PIK3R4: variants seen among roughly 807,000 people sequenced by gnomAD.
The protein encoded by PIK3R4 is phosphoinositide 3-kinase regulatory subunit 4.
Under a neutral mutation model 136.5 loss-of-function variants are expected in PIK3R4, and 46 were observed. The observed-to-expected ratio is 0.34, with a 90% CI of 0.27 to 0.43. PIK3R4 has a LOEUF of 0.43. PIK3R4 is among the 20% of genes least tolerant of loss of function. The pLI, the probability that PIK3R4 is intolerant of heterozygous loss-of-function variation, is 1.00. For synonymous variants in PIK3R4, 557 were observed against 566.7 expected, an observed-to-expected ratio of 0.98 and a Z score of 0.24; for missense variants, 1,331 against 1,649.5, an observed-to-expected ratio of 0.81 and a Z score of 3.35.
Position 130,733,914 on chromosome 3 carries a change from G to A in PIK3R4, c.1084C>T (p.Leu362=), listed in dbSNP as rs1238515011. 2.5e-6 allele frequency: 4 copies of A among 1,613,958 alleles called. No individual in the cohort carries two copies. Among genetic ancestry groups the A allele is most frequent in the Non-Finnish European group, 3.4e-6 (4 of 1,179,968 alleles). The change falls in exon 4 of 20, where the codon CTG becomes TTG. Residue 362 remains leucine (L), a synonymous_variant. Coordinates refer to ENST00000356763, the MANE Select transcript of PIK3R4 (RefSeq NM_014602.3). ...GGCTCTCCTTCGGCTTTTTCTGGCAGATCATGTCCACAGAGATTGTGAATA... is the reference window on the plus strand; with the variant it reads ...GGCTCTCCTTCGGCTTTTTCTGGCAAATCATGTCCACAGAGATTGTGAATA... ...NIIHNLCGHD[L]PEKAEGEPKE...
chr3:130,684,387 A>G lies in PIK3R4; in HGVS notation c.3476-6T>C. 1 of 1,612,138 alleles carries G rather than the reference A, an allele frequency of 6.2e-7. No individual in the cohort carries two copies. Among genetic ancestry groups the G allele is most frequent in the Non-Finnish European group, 8.5e-7 (1 of 1,178,640 alleles). On this transcript the variant is annotated splice_region_variant and splice_polypyrimidine_tract_variant and intron_variant, in intron 15 of 19. Transcript: ENST00000356763. ...CATGGTACCACTGCTTGTACCTTAA[A>G]GAAAAAAGGAAAAAAAGATTACCAT...
chr3:130,743,840 C>T (rs566402825), intron 2 of PIK3R4, among the ~76,000 whole-genome samples: 11 of 152,296 alleles, frequency 7.2e-5, no homozygotes, highest in African/African-American at 2.6e-4. Context: ...AGGCCAGACC[C>T]TTTCTGATCT....
rs374114129 is a variant in PIK3R4 at position 130,726,163 on chromosome 3, A to G, written c.1807+2300T>C. 3.9e-5 allele frequency among the ~76,000 whole-genome samples: 6 copies of G among 152,098 alleles called. No homozygotes were observed. The South Asian group carries it at 6.2e-4, about 16-fold the overall frequency. On this transcript the variant is annotated intron_variant, in intron 6 of 19. Coordinates refer to ENST00000356763, the MANE Select transcript of PIK3R4 (RefSeq NM_014602.3). ...TAGATTATCTATATATGACAGAAAA[A>G]AATGAAAATAATTTAAATATCCAAA...
rs900713369 is a variant in PIK3R4 at position 130,734,021 on chromosome 3, G to A, written c.977C>T (p.Pro326Leu). The A allele has an allele frequency of 1.2e-6, 2 of 1,614,072 alleles. No homozygotes were observed. The highest frequency in any genetic ancestry group is 1.7e-6 in the Non-Finnish European group (2 of 1,179,982). Residue 326 changes from proline to leucine, a missense_variant, in exon 4 of 20, where the codon CCC (proline) becomes CTC (leucine). Physicochemically the swap from Pro to Leu is moderately conservative, Grantham distance 98. Coordinates refer to ENST00000356763, the MANE Select transcript of PIK3R4 (RefSeq NM_014602.3). ...FPEIFYTFLQ[P>L]YMAQFAKETF... is the part of the protein sequence containing the mutation. ...TTCCTTGGCAAACTGGGCCATGTAGGGCTGAAGAAAAGTGTAAAATATTTC... is the reference window on the plus strand; with the variant it reads ...TTCCTTGGCAAACTGGGCCATGTAGAGCTGAAGAAAAGTGTAAAATATTTC...
chr3:130,707,710 G>C (rs1179589070), intron 10 of PIK3R4, among the ~76,000 whole-genome samples: 3 of 152,164 alleles, frequency 2.0e-5, no homozygotes, highest in Non-Finnish European at 4.4e-5. Context: ...TTAAAGGCAT[G>C]TAACTGGCAG....
intron 13 of PIK3R4, among the ~76,000 whole-genome samples, chr3:130,693,003 C>T (rs911160283): frequency 6.6e-6 from 1 of 152,164 alleles, no homozygotes; most frequent in African/African-American, 2.4e-5. Flanking sequence ...TGCTCCCTTC[C>T]CCCAGCACCT....
At chr3:130,742,720 T>C (rs1395316956) in intron 2 of PIK3R4, among the ~76,000 whole-genome samples, 1 of 152,212 alleles carries the variant, frequency 6.6e-6, no homozygotes, top group African/African-American at 2.4e-5. Flanking sequence ...TTTGGCTCAA[T>C]TTATGTTTTT....
At chr3:130,704,908 G>A (rs2066598331) in intron 12 of PIK3R4, among the ~76,000 whole-genome samples, 1 of 152,074 alleles carries the variant, frequency 6.6e-6, no homozygotes, top group South Asian at 2.1e-4. Context: ...TCAGCTCACT[G>A]CAACCTCTAC....
rs1464776759 is a variant in PIK3R4, at chr3:130,698,045, C to A, written c.3098+5678G>T. Among the ~76,000 whole-genome samples, 3 of 152,292 alleles carry A rather than the reference C, an allele frequency of 2.0e-5. No homozygotes were observed. The South Asian group carries it at 6.2e-4, about 32-fold the overall frequency. On this transcript the variant is annotated intron_variant, in intron 13 of 19. Coordinates refer to ENST00000356763, the MANE Select transcript of PIK3R4 (RefSeq NM_014602.3). ...TCCTTTCAACACACTGACTTCTGGCCTCTATCATTTCTGACTTAAAAATCA... is the reference window on the plus strand; with the variant it reads ...TCCTTTCAACACACTGACTTCTGGCATCTATCATTTCTGACTTAAAAATCA...
chr3:130,743,639 A>G (rs2066836695), intron 2 of PIK3R4, among the ~76,000 whole-genome samples: 3 of 152,092 alleles, frequency 2.0e-5, no homozygotes, highest in Admixed American at 6.5e-5. Flanking sequence ...TCACCTTCCA[A>G]TGACAGAATC....
intron 3 of PIK3R4, 30 bp downstream of exon 3, chr3:130,735,839 C>G (rs1157999680): frequency 1.3e-6 from 2 of 1,586,618 alleles, no homozygotes; most frequent in Non-Finnish European, 1.7e-6. Flanking sequence ...CTATTAAAAA[C>G]TTTATGGCGA....
chr3:130,743,839 C>G (rs563862911), intron 2 of PIK3R4, among the ~76,000 whole-genome samples: 288 of 152,302 alleles, frequency 1.9e-3, no homozygotes, highest in Non-Finnish European at 3.1e-3. Context: ...CAGGCCAGAC[C>G]CTTTCTGATC....
rs957237488 is a variant in PIK3R4, at chr3:130,746,367, C to G, written c.-96G>C. On this transcript the variant is annotated 5_prime_UTR_variant, in exon 1 of 20. The change abolishes an upstream ATG in the 5' untranslated region. Transcript: ENST00000356763. Reference sequence around the variant, plus strand: ...ATCGTTCAGAGGCTCACAACGAGGTCATAGTAGACTACTTCGGGGACGGGA... The same window carrying G: ...ATCGTTCAGAGGCTCACAACGAGGTGATAGTAGACTACTTCGGGGACGGGA... 3 of 152,288 alleles carry G rather than the reference C, an allele frequency of 2.0e-5. No homozygotes were observed. The highest frequency in any genetic ancestry group is 7.2e-5 in the African/African-American group (3 of 41,438). 9.4% of individuals were successfully genotyped at this position (152,288 alleles called of 1,614,324 possible). A position where few individuals can be genotyped will look rare whatever the true frequency, so the allele number is the denominator to read the frequency against.
At chr3:130,684,188 C>T in intron 16 of PIK3R4, 62 bp downstream of exon 16, 1 of 1,454,852 alleles carries the variant, frequency 6.9e-7, no homozygotes. Flanking sequence ...GTTTTGGCAA[C>T]AGGTTATTAT....
Position 130,730,346 on chromosome 3 carries a change from A to G in PIK3R4, c.1547T>C (p.Ile516Thr), listed in dbSNP as rs755284369. 4 of 1,597,202 alleles carry G rather than the reference A, an allele frequency of 2.5e-6. No individual in the cohort carries two copies. The highest frequency in any genetic ancestry group is 3.5e-5 in the Admixed American group (2 of 57,024). Residue 516 changes from isoleucine to threonine, a missense_variant, in exon 5 of 20, where the codon ATA becomes ACA. Around this residue, in one of 2 missense-constraint regions of PIK3R4, gnomAD observed 1,180 missense variants for 1,407.0 expected, o/e 0.84. Transcript: ENST00000356763. ...NMENDPNNEE[I>T]DEVTHPNGNY... The stretch of plus-strand genomic sequence containing the variant: ...TCCATTTGGATGTGTAACCTCATCT[A>G]TTTCTTCATTATTGGGGTCATTTTC...
chr3:130,735,924 T>C lies in PIK3R4; in HGVS notation c.812A>G (p.His271Arg). The C allele has an allele frequency of 6.2e-7, 1 of 1,612,762 alleles. No homozygotes were observed. The highest frequency in any genetic ancestry group is 8.5e-7 in the Non-Finnish European group (1 of 1,179,354). ...ATTTAGCACTTGTTCAGGGAAAAAA[T>C]GTCCATTTCTATAAGCCAAAAGTTG... Reference protein sequence around the residue: ...LSQLLAYRNGHFFPEQVLNKI... With the variant: ...LSQLLAYRNGRFFPEQVLNKI... Residue 271 changes from histidine to arginine, a missense_variant, in exon 3 of 20, where the codon CAT (histidine) becomes CGT (arginine). By Grantham distance (29) the His-to-Arg change is conservative. This residue lies in a region of PIK3R4 where 1,180 missense variants were observed against 1,407.0 expected (regional missense o/e 0.84). Transcript: ENST00000356763.
intron 3 of PIK3R4, among the ~76,000 whole-genome samples, 192 bp downstream of exon 3, chr3:130,735,677 A>G (rs1277995876): frequency 1.3e-5 from 2 of 152,222 alleles, no homozygotes; most frequent in Non-Finnish European, 2.9e-5. Flanking sequence ...AAGTCAAATG[A>G]GCTCTGTGCC....
intron 3 of PIK3R4, 78 bp from the exon 4 acceptor site, chr3:130,734,208 T>A (rs545581562): frequency 8.8e-7 from 1 of 1,140,094 alleles, no homozygotes; most frequent in East Asian, 2.4e-5. Context: ...CAAAGGCAAT[T>A]TACATACGAT....
intron 13 of PIK3R4, among the ~76,000 whole-genome samples, chr3:130,699,795 TTTTA>T (rs1300154837): frequency 6.6e-6 from 1 of 152,202 alleles, no homozygotes; most frequent in Non-Finnish European, 1.5e-5. Flanking sequence ...GCTGCTGAAC[TTTTA>T]GTTTGCTCCT....
Sources: allele counts gnomAD v4.1 joint callset (sites outside exome capture counted in the v4.1 genomes callset), GRCh38; gene constraint gnomAD v4.1.1; regional missense constraint gnomAD v4.1.1; transcripts MANE v1.5; gene names NCBI Gene and HGNC (gene_info 2026-07-23, HGNC 2026-07-21).